ZNF521: variants seen among roughly 807,000 people sequenced by gnomAD.
ZNF521 encodes the protein zinc finger protein 521.
Under a neutral mutation model 105.5 loss-of-function variants are expected in ZNF521, and 14 were observed. The ratio of observed to expected loss-of-function variants is 0.13; its 90% CI spans 0.09 to 0.21. The LOEUF (loss-of-function observed/expected upper bound fraction) is 0.21. ZNF521 is among the 10% of genes least tolerant of loss of function. ZNF521 has a pLI of 1.00. For missense variants in ZNF521, 1,233 were observed against 1,629.7 expected (o/e 0.76, Z 4.19); for synonymous variants, 635 against 606.0 (o/e 1.05, Z -0.70).
intron 7 of ZNF521, among the ~76,000 whole-genome samples, chr18:25,070,394 T>C (rs2033188194): frequency 6.6e-6 from 1 of 152,206 alleles, no homozygotes; most frequent in Non-Finnish European, 1.5e-5. Flanking sequence ...GATGAGTTTA[T>C]GTTCCAAACA....
At chr18:25,242,912 C>T (rs1401684359) in intron 3 of ZNF521, among the ~76,000 whole-genome samples, 1 of 152,206 alleles carries the variant, frequency 6.6e-6, no homozygotes, top group Non-Finnish European at 1.5e-5. Flanking sequence ...CATCGTGTTA[C>T]AATACGTTCT....
At chr18:25,298,089 T>G (rs541274470) in intron 3 of ZNF521, among the ~76,000 whole-genome samples, 1 of 152,206 alleles carries the variant, frequency 6.6e-6, no homozygotes, top group Non-Finnish European at 1.5e-5. Context: ...ATTCTTTTCA[T>G]TATTCTGAAA....
In ZNF521 at chr18:25,318,185, T is replaced by G. The variant is rs568710377; in HGVS notation, c.220+3823A>C. On this transcript the variant is annotated intron_variant, in intron 3 of 7. Transcript: ENST00000361524. ...ACAATATGAATGGATCTCATAGACA[T>G]TATGCTGAACAAAAGAAGCTGGACA... is the stretch of plus-strand genomic sequence containing the variant. Among the ~76,000 whole-genome samples the G allele has an allele frequency of 5.4e-4, 82 of 152,250 alleles. 1 individual carries two copies. The highest frequency in any genetic ancestry group is 3.4e-3 in the Middle Eastern group (1 of 294).
chr18:25,195,483 A>G (rs188623016), intron 4 of ZNF521, among the ~76,000 whole-genome samples: 15 of 151,848 alleles, frequency 9.9e-5, no homozygotes, highest in African/African-American at 3.1e-4. Context: ...TTATGGCATA[A>G]TATATTTTTA....
chr18:25,293,351 T>TACACAC (rs55818021), intron 3 of ZNF521, among the ~76,000 whole-genome samples: 6,545 of 143,186 alleles, frequency 0.046, 200 homozygotes, highest in East Asian at 0.084. Context: ...CATGTACACA[T>TACACAC]ACACACACAC....
At position 25,179,240 on chromosome 18, in the gene ZNF521, G is replaced by GC. The variant is rs561161696; in HGVS notation, c.3658+15919dup. 3.3e-3 allele frequency among the ~76,000 whole-genome samples: 440 copies of GC among 134,990 alleles called. 4 individuals are homozygous for GC. The highest frequency in any genetic ancestry group is 6.4e-3 in the Admixed American group (76 of 11,952). 88.6% of individuals were successfully genotyped at this position (134,990 alleles called of 152,430 possible). A position where few individuals can be genotyped will look rare whatever the true frequency, so the allele number is the denominator to read the frequency against. Reference sequence around the variant, plus strand: ...GTGATCTCGGCTCACTGCAACCTCTGCCTCCCGGGTTCAAGCAATTCTCCT... The same window carrying GC: ...GTGATCTCGGCTCACTGCAACCTCTGCCCTCCCGGGTTCAAGCAATTCTCCT... On this transcript the variant is annotated intron_variant, in intron 5 of 7. Transcript: ENST00000361524.
chr18:25,216,432 A>T (rs1195148982), intron 4 of ZNF521, among the ~76,000 whole-genome samples: 1 of 152,238 alleles, frequency 6.6e-6, no homozygotes, highest in African/African-American at 2.4e-5. Context: ...GATGTAACTG[A>T]AAATAAAGTA....
chr18:25,267,769 T>A (rs1317111233), intron 3 of ZNF521, among the ~76,000 whole-genome samples: 2 of 152,020 alleles, frequency 1.3e-5, no homozygotes, highest in Non-Finnish European at 2.9e-5. Flanking sequence ...AGAGACCCCA[T>A]CCGAAGGTCA....
In ZNF521 at chr18:25,154,767, T is replaced by A. The variant is rs111399544; in HGVS notation, c.3658+40393A>T. On this transcript the variant is annotated intron_variant, in intron 5 of 7. Transcript: ENST00000361524. ...TAGAAATTGTCTAGTACACACCTTCTCTTTAAAAATAAGATGACTCATGCA... is the reference window on the plus strand; with the variant it reads ...TAGAAATTGTCTAGTACACACCTTCACTTTAAAAATAAGATGACTCATGCA... Among the ~76,000 whole-genome samples, 7 of 152,270 alleles carry A rather than the reference T, an allele frequency of 4.6e-5. 1 individual carries two copies. Among genetic ancestry groups the A allele is most frequent in the African/African-American group, 1.7e-4 (7 of 41,566 alleles).
chr18:25,207,301 C>A (rs945147102), intron 4 of ZNF521, among the ~76,000 whole-genome samples: 1 of 151,666 alleles, frequency 6.6e-6, no homozygotes, highest in Non-Finnish European at 1.5e-5. Context: ...ATGAAAACAT[C>A]CACATGTACA....
At chr18:25,147,856 A>C (rs2034973663) in intron 5 of ZNF521, among the ~76,000 whole-genome samples, 1 of 152,182 alleles carries the variant, frequency 6.6e-6, no homozygotes, top group Admixed American at 6.5e-5. Flanking sequence ...ATTTTAACTG[A>C]TCTTTTTATT....
chr18:25,101,338 T>A (rs566813413), intron 5 of ZNF521, among the ~76,000 whole-genome samples: 3 of 152,222 alleles, frequency 2.0e-5, no homozygotes, highest in African/African-American at 7.2e-5. Context: ...GAAGTGGGTA[T>A]CCTAGAATCA....
intron 5 of ZNF521, among the ~76,000 whole-genome samples, chr18:25,155,345 C>T (rs769745769): frequency 6.6e-6 from 1 of 152,134 alleles, no homozygotes; most frequent in African/African-American, 2.4e-5. Context: ...TTTTCCCAAT[C>T]TAGCAATTCC....
At chr18:25,263,777 C>T (rs527517266) in intron 3 of ZNF521, among the ~76,000 whole-genome samples, 1 of 152,054 alleles carries the variant, frequency 6.6e-6, no homozygotes, top group African/African-American at 2.4e-5. Flanking sequence ...GAGGTTTCAC[C>T]GTGTTAACCA....
At chr18:25,286,213 CGA>C (rs1261701860) in intron 3 of ZNF521, among the ~76,000 whole-genome samples, 1 of 151,826 alleles carries the variant, frequency 6.6e-6, no homozygotes, top group Non-Finnish European at 1.5e-5. Flanking sequence ...ATGAGAGAGT[CGA>C]TAAGGGGAAG....
At chr18:25,097,460 AT>A (rs59508787) in intron 5 of ZNF521, among the ~76,000 whole-genome samples, 11 of 151,762 alleles carry the variant, frequency 7.2e-5, no homozygotes, top group African/African-American at 2.7e-4. Flanking sequence ...TTCTGCCCTT[AT>A]TTTTTTTGAA....
Position 25,168,677 on chromosome 18 carries a change from TACAGTAAGA to T in ZNF521, c.3658+26474_3658+26482del, listed in dbSNP as rs147773992. Among the ~76,000 whole-genome samples the T allele has an allele frequency of 8.7e-3, 1,319 of 152,266 alleles. 13 individuals are homozygous for T. Among genetic ancestry groups the T allele is most frequent in the African/African-American group, 0.03 (1,256 of 41,554 alleles). On this transcript the variant is annotated intron_variant, in intron 5 of 7. Coordinates refer to ENST00000361524, the MANE Select transcript of ZNF521 (RefSeq NM_015461.3). The stretch of plus-strand genomic sequence containing the variant: ...GTCACTAAACTGCGTGAGCTACAAA[TACAGTAAGA>T]ACACATTCCTTACACTTTTGACTCC...
chr18:25,160,315 T>A (rs889047558), intron 5 of ZNF521, among the ~76,000 whole-genome samples: 18 of 152,364 alleles, frequency 1.2e-4, no homozygotes, highest in Non-Finnish European at 1.9e-4. Flanking sequence ...GACCTAGATA[T>A]GTTCCCTGGT....
chr18:25,321,858 C>G, intron 3 of ZNF521, 150 bp downstream of exon 3: 1 of 730,378 alleles, frequency 1.4e-6, no homozygotes, highest in Non-Finnish European at 2.2e-6. Flanking sequence ...ACAACCATCT[C>G]AGAATTCTTT....
Sources: gnomAD v4.1 joint callset for allele counts (sites outside exome capture counted in the v4.1 genomes callset) on GRCh38, gnomAD v4.1.1 for gene constraint, MANE v1.5 for transcripts, NCBI Gene and HGNC (gene_info 2026-07-23, HGNC 2026-07-21) for gene names.